The following ZBTB20 variants were observed in gnomAD, a reference collection of about 807,000 sequenced individuals.
ZBTB20 encodes the protein zinc finger and BTB domain containing 20, also known as zinc finger and BTB domain-containing protein 20.
Under a neutral mutation model 56.9 loss-of-function variants are expected in ZBTB20, and 9 were observed. That is an observed-to-expected ratio of 0.16 (90% confidence interval 0.10 to 0.28). The LOEUF is 0.28. Among genes scored for constraint, ZBTB20 ranks in the 10% least tolerant of loss-of-function variants. The probability of loss-of-function intolerance (pLI) is 1.00; values close to 1 mark genes in which losing one functional copy is unlikely to be tolerated. For missense variants in ZBTB20, 655 were observed against 1,003.0 expected (o/e 0.65, Z 4.69); for synonymous variants, 417 against 420.7 (o/e 0.99, Z 0.11).
rs6795200 is a variant in ZBTB20, at chr3:115,036,204, T to A, written c.-507+35015A>T. ...TACTTAATGCCACCAAACTGTACAG[T>A]TAAAATTGAATAAGGTGGTGTATTT... On this transcript the variant is annotated intron_variant, in intron 2 of 11. Coordinates refer to ENST00000675478, the MANE Select transcript of ZBTB20 (RefSeq NM_001348800.3). 3.9e-3 allele frequency among the ~76,000 whole-genome samples: 593 copies of A among 152,270 alleles called. 4 individuals are homozygous for A. The highest frequency in any genetic ancestry group is 0.013 in the African/African-American group (553 of 41,546).
At chr3:114,951,527 CTA>C (rs530142318) in intron 3 of ZBTB20, among the ~76,000 whole-genome samples, 115 of 152,204 alleles carry the variant, frequency 7.6e-4, no homozygotes, top group Middle Eastern at 3.4e-3. Context: ...AGACCAATGT[CTA>C]CATCCAAGAT....
chr3:114,838,036 G>C (rs757164779), intron 4 of ZBTB20, among the ~76,000 whole-genome samples: 2 of 152,132 alleles, frequency 1.3e-5, no homozygotes, highest in African/African-American at 2.4e-5. Flanking sequence ...CAGTAGGAAG[G>C]TTTCATTAGG....
intron 6 of ZBTB20, among the ~76,000 whole-genome samples, chr3:114,636,881 A>C (rs1240921710): frequency 6.7e-6 from 1 of 149,744 alleles, no homozygotes; most frequent in Admixed American, 6.7e-5. Flanking sequence ...AGAGATTAAG[A>C]GGAAGACTAT....
At chr3:114,750,448 A>C (rs1389222862) in intron 5 of ZBTB20, among the ~76,000 whole-genome samples, 1 of 152,222 alleles carries the variant, frequency 6.6e-6, no homozygotes, top group Admixed American at 6.5e-5. Flanking sequence ...GTAGGAAGAA[A>C]AGCAGTAAAG....
chr3:114,756,745 C>T (rs956296509), intron 5 of ZBTB20, among the ~76,000 whole-genome samples: 1 of 152,120 alleles, frequency 6.6e-6, no homozygotes, highest in African/African-American at 2.4e-5. Context: ...CAGTCTCAGT[C>T]TGATTCTAGT....
chr3:114,830,621 G>A (rs1452413500), intron 4 of ZBTB20, among the ~76,000 whole-genome samples: 1 of 151,888 alleles, frequency 6.6e-6, no homozygotes, highest in Non-Finnish European at 1.5e-5. Flanking sequence ...CACAACTCTA[G>A]GAGATTAGTA....
intron 7 of ZBTB20, among the ~76,000 whole-genome samples, chr3:114,459,723 A>C (rs1372825995): frequency 6.6e-6 from 1 of 152,186 alleles, no homozygotes; most frequent in Non-Finnish European, 1.5e-5. Context: ...TTTGATGTTC[A>C]GAAAATAATA....
chr3:114,489,870 G>C (rs2042541013), intron 7 of ZBTB20, among the ~76,000 whole-genome samples: 1 of 152,102 alleles, frequency 6.6e-6, no homozygotes. Flanking sequence ...ATAAAGATAA[G>C]CCATCACGGC....
chr3:115,045,163 A>G (rs1394172467), intron 2 of ZBTB20, among the ~76,000 whole-genome samples: 2 of 152,158 alleles, frequency 1.3e-5, no homozygotes, highest in African/African-American at 4.8e-5. Flanking sequence ...CCCAACATAC[A>G]ATTTCCTATA....
At chr3:114,508,529 G>A (rs190020725) in intron 6 of ZBTB20, among the ~76,000 whole-genome samples, 34 of 152,214 alleles carry the variant, frequency 2.2e-4, no homozygotes, top group Admixed American at 1.9e-3. Context: ...ACAGGCGAAG[G>A]CATCAGGAAG....
chr3:114,539,524 G>C (rs942828757), intron 6 of ZBTB20, among the ~76,000 whole-genome samples: 2 of 152,134 alleles, frequency 1.3e-5, no homozygotes, highest in African/African-American at 4.8e-5. Context: ...CACAGGAACA[G>C]AGTATTACTT....
intron 5 of ZBTB20, among the ~76,000 whole-genome samples, chr3:114,699,432 G>C (rs772495291): frequency 1.3e-5 from 2 of 151,536 alleles, no homozygotes; most frequent in African/African-American, 2.4e-5. Flanking sequence ...CCATTTTCTT[G>C]GTTAAACAGT....
chr3:115,140,606 T>C (rs2084787285), intron 1 of ZBTB20, among the ~76,000 whole-genome samples: 2 of 151,986 alleles, frequency 1.3e-5, no homozygotes, highest in South Asian at 2.1e-4. Context: ...TTGTTAGAGA[T>C]TGTTCTATTA....
chr3:114,885,961 C>A (rs1241477116), intron 4 of ZBTB20, among the ~76,000 whole-genome samples: 1 of 152,160 alleles, frequency 6.6e-6, no homozygotes, highest in East Asian at 1.9e-4. Flanking sequence ...GCTTATTGAG[C>A]ATTCTTAAAG....
In ZBTB20 at chr3:114,319,962, G is replaced by A. The variant is rs1278225538; in HGVS notation, c.*19043C>T. On this transcript the variant is annotated 3_prime_UTR_variant, in exon 12 of 12. Coordinates refer to ENST00000675478, the MANE Select transcript of ZBTB20 (RefSeq NM_001348800.3). ...GTGGAAATCCAGTGGTATGAGGAAG[G>A]CTGGGGTTATTTCCTCCATACTTTC... 2.6e-5 allele frequency: 4 copies of A among 152,082 alleles called. No homozygotes were observed. Among genetic ancestry groups the A allele is most frequent in the African/African-American group, 9.7e-5 (4 of 41,406 alleles). The allele number at this position is 152,082 out of a possible 1,614,324, so 9.4% of individuals were successfully genotyped here. A position where few individuals can be genotyped will look rare whatever the true frequency, so the allele number is the denominator to read the frequency against.
chr3:114,516,168 T>A (rs943463362), intron 6 of ZBTB20, among the ~76,000 whole-genome samples: 1 of 152,192 alleles, frequency 6.6e-6, no homozygotes, highest in Non-Finnish European at 1.5e-5. Flanking sequence ...TACCATTCAA[T>A]AAGTTTTGCC....
At chr3:114,357,692 A>C (rs952881145) in intron 10 of ZBTB20, among the ~76,000 whole-genome samples, 3 of 152,206 alleles carry the variant, frequency 2.0e-5, no homozygotes, top group Admixed American at 2.0e-4. Flanking sequence ...CTGTGGATTG[A>C]GATTCAGGCA....
chr3:114,508,645 T>TAACAAA (rs1330464981), intron 6 of ZBTB20, among the ~76,000 whole-genome samples: 4 of 152,086 alleles, frequency 2.6e-5, no homozygotes, highest in African/African-American at 9.7e-5. Flanking sequence ...CGAATCTTGT[T>TAACAAA]AACAAAAACA....
chr3:114,342,297 C>T (rs1005425259), intron 11 of ZBTB20, among the ~76,000 whole-genome samples: 3 of 152,076 alleles, frequency 2.0e-5, no homozygotes, highest in Admixed American at 6.5e-5. Context: ...TGAGGTCTGT[C>T]GATTGTTGCT....
Sources: gnomAD v4.1 joint callset for allele counts (sites outside exome capture counted in the v4.1 genomes callset) on GRCh38, gnomAD v4.1.1 for gene constraint, MANE v1.5 for transcripts, NCBI Gene and HGNC (gene_info 2026-07-23, HGNC 2026-07-21) for gene names.